SBF2: variants seen among roughly 807,000 people sequenced by gnomAD.
SBF2 encodes the protein SET binding factor 2, also known as myotubularin-related protein 13.
In SBF2, 112 loss-of-function variants were observed where a neutral mutation model predicts 225.2. The observed-to-expected ratio is 0.50, with a 90% CI of 0.43 to 0.58. The LOEUF is 0.58. SBF2 is among the 20% of genes least tolerant of loss of function. The probability of loss-of-function intolerance (pLI) is 0.00; values close to 1 mark genes in which losing one functional copy is unlikely to be tolerated. For synonymous variants in SBF2, 763 were observed against 773.3 expected (o/e 0.99, Z 0.22); for missense variants, 1,996 against 2,206.2 (o/e 0.90, Z 1.91).
intron 2 of SBF2, among the ~76,000 whole-genome samples, chr11:10,184,088 CCT>C (rs1361024913): frequency 5.3e-5 from 8 of 152,164 alleles, no homozygotes; most frequent in South Asian, 4.1e-4. Flanking sequence ...GAAATATCAC[CCT>C]GTTTCCCATA....
At chr11:10,233,900 A>AGCTCTGCATCATG (rs1478727584) in intron 1 of SBF2, among the ~76,000 whole-genome samples, 1 of 152,190 alleles carries the variant, frequency 6.6e-6, no homozygotes, top group Non-Finnish European at 1.5e-5. Context: ...TGAGACTGTC[A>AGCTCTGCATCATG]GCTCTGCATC....
intron 16 of SBF2, among the ~76,000 whole-genome samples, chr11:9,904,811 G>C (rs962669414): frequency 6.6e-6 from 1 of 152,198 alleles, no homozygotes; most frequent in Non-Finnish European, 1.5e-5. Flanking sequence ...GATTGCTTGA[G>C]CTCAGGAGTT....
upstream of SBF2, among the ~76,000 whole-genome samples, chr11:10,296,703 A>G (rs761838978): frequency 1.3e-5 from 2 of 152,118 alleles, no homozygotes; most frequent in African/African-American, 2.4e-5. Flanking sequence ...ATGCATGTAC[A>G]TGTATTTGAG....
chr11:10,180,554 C>T (rs1956698184), intron 2 of SBF2, among the ~76,000 whole-genome samples: 1 of 152,052 alleles, frequency 6.6e-6, no homozygotes, highest in Admixed American at 6.6e-5. Context: ...ATATATTCTT[C>T]TTTGGATTAA....
chr11:10,153,811 A>G (rs1323947194), intron 2 of SBF2, among the ~76,000 whole-genome samples: 4 of 152,132 alleles, frequency 2.6e-5, no homozygotes, highest in Non-Finnish European at 4.4e-5. Context: ...TAGAGTTTAC[A>G]TTTAGGTCTA....
At position 9,911,844 on chromosome 11, in the gene SBF2, T is replaced by C. The variant is rs187225333; in HGVS notation, c.1861-15833A>G. Among the ~76,000 whole-genome samples the C allele has an allele frequency of 1.6e-3, 239 of 152,340 alleles. 1 individual carries two copies. Among genetic ancestry groups the C allele is most frequent in the African/African-American group, 5.5e-3 (227 of 41,588 alleles). Reference sequence around the variant, plus strand: ...TTACAACTGCCTACAGTATTCAGTATAGTAATGTGCTGTACAGATTTGTAA... The same window carrying C: ...TTACAACTGCCTACAGTATTCAGTACAGTAATGTGCTGTACAGATTTGTAA... On this transcript the variant is annotated intron_variant, in intron 16 of 39. Coordinates refer to ENST00000256190, the MANE Select transcript of SBF2 (RefSeq NM_030962.4).
intron 1 of SBF2, among the ~76,000 whole-genome samples, chr11:10,200,170 G>A (rs1459663754): frequency 6.6e-6 from 1 of 152,122 alleles, no homozygotes; most frequent in African/African-American, 2.4e-5. Context: ...CTATACTCTA[G>A]TCCAGTTCCA....
intron 38 of SBF2, 148 bp downstream of exon 38, chr11:9,784,203 C>G: frequency 1.5e-6 from 1 of 665,092 alleles, no homozygotes; most frequent in Non-Finnish European, 2.7e-6. Context: ...ACATCTGGGG[C>G]CCTTGAGGAG....
intron 2 of SBF2, among the ~76,000 whole-genome samples, chr11:10,143,014 G>A (rs748376012): frequency 6.6e-6 from 1 of 152,154 alleles, no homozygotes; most frequent in Non-Finnish European, 1.5e-5. Context: ...GTACTATTAA[G>A]TAGACATCTC....
chr11:10,088,890 T>G (rs1460178799), intron 2 of SBF2, among the ~76,000 whole-genome samples: 1 of 152,210 alleles, frequency 6.6e-6, no homozygotes, highest in Non-Finnish European at 1.5e-5. Context: ...TCTTTCTCAT[T>G]GTATTTTTGG....
At chr11:10,149,758 A>G (rs1435170712) in intron 2 of SBF2, among the ~76,000 whole-genome samples, 1 of 152,168 alleles carries the variant, frequency 6.6e-6, no homozygotes, top group African/African-American at 2.4e-5. Flanking sequence ...AACTAACTCC[A>G]AAGCTTCAGT....
At chr11:9,795,092 C>G (rs879935944) in intron 33 of SBF2, among the ~76,000 whole-genome samples, 2 of 152,076 alleles carry the variant, frequency 1.3e-5, no homozygotes, top group African/African-American at 4.8e-5. Flanking sequence ...TCCTCTCCCC[C>G]GTAACAGTTA....
chr11:10,005,781 C>T (rs1565122899), intron 6 of SBF2, among the ~76,000 whole-genome samples: 1 of 152,148 alleles, frequency 6.6e-6, no homozygotes, highest in African/African-American at 2.4e-5. Flanking sequence ...ACTTCTTTGG[C>T]TGGAGGTGTT....
intron 16 of SBF2, among the ~76,000 whole-genome samples, chr11:9,946,486 TG>T (rs1865571637): frequency 6.6e-6 from 1 of 151,502 alleles, no homozygotes; most frequent in African/African-American, 2.4e-5. Flanking sequence ...GTTTCACTTT[TG>T]TCGCCCAGGC....
At chr11:10,096,576 C>A (rs1261350785) in intron 2 of SBF2, among the ~76,000 whole-genome samples, 1 of 151,890 alleles carries the variant, frequency 6.6e-6, no homozygotes, top group Non-Finnish European at 1.5e-5. Context: ...TTTAAAAAAG[C>A]CTTACGAGAC....
At chr11:10,148,854 A>C (rs1181702158) in intron 2 of SBF2, among the ~76,000 whole-genome samples, 1 of 152,138 alleles carries the variant, frequency 6.6e-6, no homozygotes, top group Non-Finnish European at 1.5e-5. Flanking sequence ...TTAAGGCCCT[A>C]ATTTTGTTCT....
At chr11:9,981,760 A>G (rs1395580364) in intron 13 of SBF2, among the ~76,000 whole-genome samples, 1 of 152,212 alleles carries the variant, frequency 6.6e-6, no homozygotes, top group Non-Finnish European at 1.5e-5. Context: ...TAGAACCACA[A>G]ATTAAAAGAA....
At chr11:10,193,059 G>A (rs947334998) in intron 2 of SBF2, among the ~76,000 whole-genome samples, 2 of 152,170 alleles carry the variant, frequency 1.3e-5, no homozygotes, top group Non-Finnish European at 2.9e-5. Context: ...AACAAAAGGA[G>A]TTGAACTGCA....
At chr11:9,979,430 T>A (rs549859859) in intron 13 of SBF2, among the ~76,000 whole-genome samples, 2 of 152,308 alleles carry the variant, frequency 1.3e-5, no homozygotes, top group Admixed American at 1.3e-4. Context: ...TCTCATATGA[T>A]CATGCTGTAA....
Sources: gnomAD v4.1 joint callset for allele counts (sites outside exome capture counted in the v4.1 genomes callset) on GRCh38, gnomAD v4.1.1 for gene constraint, MANE v1.5 for transcripts, NCBI Gene and HGNC (gene_info 2026-07-23, HGNC 2026-07-21) for gene names.